Variants in SHISA6 observed in about 807,000 individuals in gnomAD.
SHISA6 encodes the protein shisa family member 6, also known as protein shisa-6.
A neutral mutation model predicts 47.9 loss-of-function variants in SHISA6; 22 were observed. The ratio of observed to expected loss-of-function variants is 0.46; its 90% CI spans 0.33 to 0.66. SHISA6 has a LOEUF of 0.66. Among genes scored for constraint, SHISA6 ranks in the 30% least tolerant of loss-of-function variants. SHISA6 has a pLI of 0.02. For synonymous variants in SHISA6, 388 were observed against 337.8 expected (o/e 1.15, Z -1.63); for missense variants, 680 against 764.6 (o/e 0.89, Z 1.30).
At chr17:11,426,452 G>A (rs1597507394) in intron 3 of SHISA6, among the ~76,000 whole-genome samples, 1 of 152,216 alleles carries the variant, frequency 6.6e-6, no homozygotes, top group Non-Finnish European at 1.5e-5. Flanking sequence ...TTAAGAGGAA[G>A]TTAAGTAGAT....
chr17:11,509,396 TATTATTTC>T (rs1295236458), intron 3 of SHISA6, among the ~76,000 whole-genome samples: 2 of 152,234 alleles, frequency 1.3e-5, no homozygotes, highest in Non-Finnish European at 2.9e-5. Context: ...TTTCAACATC[TATTATTTC>T]ATTTGAGGCT....
At position 11,537,865 on chromosome 17, in the gene SHISA6, C is replaced by T. The variant is rs118141771; in HGVS notation, c.896-14031C>T. 6.6e-3 allele frequency among the ~76,000 whole-genome samples: 1,006 copies of T among 152,268 alleles called. 24 individuals are homozygous for T. The highest frequency in any genetic ancestry group is 0.045 in the Admixed American group (694 of 15,302). On this transcript the variant is annotated intron_variant, in intron 3 of 5. Coordinates refer to ENST00000441885, the MANE Select transcript of SHISA6 (RefSeq NM_207386.4). ...ATGTATAAATAGTTGAGGAAGAGAG[C>T]CTTACATGCAGAAGTATTTAATGAA...
chr17:11,412,333 T>C (rs1256092915), intron 3 of SHISA6, among the ~76,000 whole-genome samples: 1 of 152,100 alleles, frequency 6.6e-6, no homozygotes, highest in African/African-American at 2.4e-5. Flanking sequence ...ACTATTATTA[T>C]TGGGGAAAAT....
At chr17:11,452,541 G>C (rs555705224) in intron 3 of SHISA6, among the ~76,000 whole-genome samples, 3 of 152,140 alleles carry the variant, frequency 2.0e-5, no homozygotes, top group Non-Finnish European at 4.4e-5. Flanking sequence ...AAAATCCCAT[G>C]AGCAAATGAG....
At chr17:11,519,543 G>A (rs1405945392) in intron 3 of SHISA6, among the ~76,000 whole-genome samples, 7 of 152,120 alleles carry the variant, frequency 4.6e-5, no homozygotes, top group Admixed American at 4.6e-4. Flanking sequence ...AGCTAGGGAA[G>A]GTGAAAAAGT....
At chr17:11,518,144 T>A (rs973184245) in intron 3 of SHISA6, among the ~76,000 whole-genome samples, 2 of 152,156 alleles carry the variant, frequency 1.3e-5, no homozygotes, top group East Asian at 3.9e-4. Context: ...CTAGATTTCC[T>A]GGTCTCAGGT....
At chr17:11,472,547 C>T (rs1261881524) in intron 3 of SHISA6, among the ~76,000 whole-genome samples, 1 of 152,152 alleles carries the variant, frequency 6.6e-6, no homozygotes, top group African/African-American at 2.4e-5. Flanking sequence ...CTGGATGTAC[C>T]ACAGTTTATT....
At chr17:11,506,315 C>T (rs2071498689) in intron 3 of SHISA6, among the ~76,000 whole-genome samples, 2 of 152,040 alleles carry the variant, frequency 1.3e-5, no homozygotes, top group African/African-American at 4.8e-5. Flanking sequence ...TTCCTCTTTC[C>T]TTAATTACTG....
intron 3 of SHISA6, among the ~76,000 whole-genome samples, chr17:11,481,252 C>A (rs1464348448): frequency 1.3e-5 from 2 of 151,528 alleles, no homozygotes; most frequent in Non-Finnish European, 2.9e-5. Flanking sequence ...GCACCCCAGC[C>A]TGGACGACAG....
rs374425594 is a variant in SHISA6, at chr17:11,408,703, A to G, written c.895+29194A>G. On this transcript the variant is annotated intron_variant, in intron 3 of 5. Coordinates refer to ENST00000441885, the MANE Select transcript of SHISA6 (RefSeq NM_207386.4). ...GCCAACTCCAGAAAAATGCCTCCAC[A>G]ATGTATTGACTGTCCTTTGCCCATT... 1.2e-4 allele frequency among the ~76,000 whole-genome samples: 19 copies of G among 152,324 alleles called. No homozygotes were observed. The East Asian group carries it at 1.5e-3, about 12-fold the overall frequency.
At chr17:11,529,149 C>T (rs1473076770) in intron 3 of SHISA6, among the ~76,000 whole-genome samples, 3 of 151,142 alleles carry the variant, frequency 2.0e-5, no homozygotes, top group African/African-American at 4.9e-5. Context: ...GCCAAGATTG[C>T]GCCATTGCAC....
chr17:11,333,139 T>C (rs1344367787), intron 2 of SHISA6, among the ~76,000 whole-genome samples: 2 of 152,114 alleles, frequency 1.3e-5, no homozygotes, highest in East Asian at 3.9e-4. Context: ...GATCGTGCAT[T>C]ATAAGGAATA....
chr17:11,417,796 T>C (rs1429407826), intron 3 of SHISA6, among the ~76,000 whole-genome samples: 1 of 152,224 alleles, frequency 6.6e-6, no homozygotes, highest in African/African-American at 2.4e-5. Context: ...GGTCAGGATG[T>C]ATGTGTCCAA....
chr17:11,295,113 A>G (rs1909702147), intron 2 of SHISA6, among the ~76,000 whole-genome samples: 1 of 152,222 alleles, frequency 6.6e-6, no homozygotes, highest in African/African-American at 2.4e-5. Flanking sequence ...GATTTCATCA[A>G]GCTACTCAGA....
chr17:11,241,374 GAGCGGCCTGCCGCGGA>G lies in SHISA6; in HGVS notation c.-45_-30del. Reference sequence around the variant, plus strand: ...GTCCTCCGAGCCCGGCCCGCCGGGGGAGCGGCCTGCCGCGGAAGCCTCCCCGCGCCCTCCCGCCCGG... The same window carrying G: ...GTCCTCCGAGCCCGGCCCGCCGGGGGAGCCTCCCCGCGCCCTCCCGCCCGG... On this transcript the variant is annotated 5_prime_UTR_variant, in exon 1 of 6. Transcript: ENST00000441885. The surrounding 1 kb of genome is among the most constrained non-coding windows in gnomAD (Gnocchi z 5.5). The G allele has an allele frequency of 9.7e-7, 1 of 1,027,168 alleles. No individual in the cohort carries two copies. The highest frequency in any genetic ancestry group is 1.2e-6 in the Non-Finnish European group (1 of 859,308). 63.6% of individuals were successfully genotyped at this position (1,027,168 alleles called of 1,614,324 possible).
At chr17:11,467,203 G>T (rs1915829610) in intron 3 of SHISA6, among the ~76,000 whole-genome samples, 1 of 152,110 alleles carries the variant, frequency 6.6e-6, no homozygotes. Context: ...CCTTCACTTG[G>T]CAAATATTTA....
intron 3 of SHISA6, among the ~76,000 whole-genome samples, chr17:11,547,233 T>C (rs1324495191): frequency 6.6e-6 from 1 of 152,166 alleles, no homozygotes; most frequent in Non-Finnish European, 1.5e-5. Context: ...GAGATATATG[T>C]CAATTTTGTA....
At chr17:11,472,563 A>G (rs755946937) in intron 3 of SHISA6, among the ~76,000 whole-genome samples, 23 of 152,196 alleles carry the variant, frequency 1.5e-4, no homozygotes, top group South Asian at 2.1e-4. Context: ...TTATTTATCC[A>G]TTCACCTACT....
In SHISA6 at chr17:11,557,723, T is replaced by G. The variant is rs1335767754; in HGVS notation, c.1106-31T>G. 6.0e-6 allele frequency: 9 copies of G among 1,507,766 alleles called. No homozygotes were observed. In the South Asian group the frequency reaches 1.2e-4, roughly 20 times the overall value. 93.4% of individuals were successfully genotyped at this position (1,507,766 alleles called of 1,614,324 possible). On this transcript the variant is annotated intron_variant, in intron 5 of 5. Coordinates refer to ENST00000441885, the MANE Select transcript of SHISA6 (RefSeq NM_207386.4). ...GTCCTGGCTGCAGGGTCACCCCAGTTGCCTTCTCTCACTCTGTCTCTCCCC... is the reference window on the plus strand; with the variant it reads ...GTCCTGGCTGCAGGGTCACCCCAGTGGCCTTCTCTCACTCTGTCTCTCCCC...
Sources: allele counts gnomAD v4.1 joint callset (sites outside exome capture counted in the v4.1 genomes callset), GRCh38; gene constraint gnomAD v4.1.1; non-coding constraint Gnocchi (gnomAD v3.1); transcripts MANE v1.5; gene names NCBI Gene and HGNC (gene_info 2026-07-23, HGNC 2026-07-21).